FBXL18: variants seen among roughly 807,000 people sequenced by gnomAD.
FBXL18 encodes the protein F-box/LRR-repeat protein 18.
FBXL18 carries 36 observed loss-of-function variants against 46.0 expected under a neutral mutation model. The ratio of observed to expected loss-of-function variants is 0.78; its 90% CI spans 0.60 to 1.03. The LOEUF (loss-of-function observed/expected upper bound fraction) is 1.03, where lower values mean the gene tolerates loss of function less well. Ranked by LOEUF, FBXL18 falls within the 50% of genes least tolerant of loss-of-function variation. FBXL18 has a pLI of 0.00. For synonymous variants in FBXL18, 557 were observed against 465.3 expected (o/e 1.20, Z -2.54); for missense variants, 977 against 1,004.1 (o/e 0.97, Z 0.36).
At chr7:5,489,393 G>A (rs559076602) in intron 4 of FBXL18, 2 of 500,706 alleles carry the variant, frequency 4.0e-6, no homozygotes, top group Admixed American at 4.1e-5. Context: ...CCAGCACTTT[G>A]GGAGGCTGAG....
intron 3 of FBXL18, among the ~76,000 whole-genome samples, chr7:5,497,693 A>G (rs1784119352): frequency 6.6e-6 from 1 of 152,224 alleles, no homozygotes; most frequent in Non-Finnish European, 1.5e-5. Context: ...TCTACTCTGC[A>G]TGGCTCCAGG....
intron 4 of FBXL18, among the ~76,000 whole-genome samples, chr7:5,462,718 G>A (rs973836001): frequency 4.6e-5 from 7 of 151,680 alleles, no homozygotes; most frequent in Admixed American, 1.3e-4. Flanking sequence ...TTGGGAGGCC[G>A]AGGCGGATGG....
At chr7:5,508,463 G>C (rs1231782516) in intron 1 of FBXL18, among the ~76,000 whole-genome samples, 1 of 144,704 alleles carries the variant, frequency 6.9e-6, no homozygotes. Context: ...AAAAAAATTA[G>C]TGGGACACAG....
chr7:5,492,841 G>T (rs965542222), intron 3 of FBXL18, among the ~76,000 whole-genome samples: 1 of 152,104 alleles, frequency 6.6e-6, no homozygotes, highest in African/African-American at 2.4e-5. Flanking sequence ...ATCCTCAGAA[G>T]GAATGAACCA....
In FBXL18 at chr7:5,500,814, C is replaced by CA; in HGVS notation, c.1454dup (p.Glu486GlyfsTer216). 6.2e-7 allele frequency: 1 copy of CA among 1,612,434 alleles called. No homozygotes were observed. The highest frequency in any genetic ancestry group is 8.5e-7 in the Non-Finnish European group (1 of 1,179,658). ...TGGACCCAATCAGCTCGAGGTGTTC[C>CA]AGGAAGGGCAGGTTCTTCAGCAGAG... On this transcript the variant is annotated frameshift_variant, in exon 3 of 5. Coordinates refer to ENST00000382368, the MANE Select transcript of FBXL18 (RefSeq NM_024963.6). LOFTEE classifies it high-confidence loss of function.
intron 4 of FBXL18, among the ~76,000 whole-genome samples, chr7:5,486,174 C>T (rs1010620459): frequency 2.0e-5 from 3 of 148,740 alleles, no homozygotes; most frequent in African/African-American, 7.5e-5. Context: ...TTGCTTGAAC[C>T]TGGAAGGCAG....
Position 5,455,861 on chromosome 7 carries a change from G to A in FBXL18, c.2001-8018C>T, listed in dbSNP as rs974444765. Among the ~76,000 whole-genome samples the A allele has an allele frequency of 1.6e-4, 25 of 151,842 alleles. No homozygotes were observed. The highest frequency in any genetic ancestry group is 5.9e-5 in the Non-Finnish European group (4 of 67,992). On this transcript the variant is annotated intron_variant and NMD_transcript_variant, in intron 4 of 6. Transcript: ENST00000415009. The surrounding 1 kb of genome is among the most constrained non-coding windows in gnomAD (Gnocchi z 4.6). ...TCTTCTCCATATGACCCCAGCCAAT[G>A]AGCGGGCGAGACCTGGCCATCTCTG...
chr7:5,508,437 G>GA (rs1784446949), intron 1 of FBXL18, among the ~76,000 whole-genome samples: 1 of 117,114 alleles, frequency 8.5e-6, no homozygotes, highest in Non-Finnish European at 1.9e-5. Flanking sequence ...GCGAGACTTT[G>GA]TCTAAAAAAA....
At chr7:5,491,556 GC>G in intron 3 of FBXL18, 107 bp from the exon 4 acceptor site, 1 of 953,364 alleles carries the variant, frequency 1.0e-6, no homozygotes, top group Non-Finnish European at 1.5e-6. Flanking sequence ...CTGGGGCCCA[GC>G]CCAGCTGTTC....
intron 4 of FBXL18, among the ~76,000 whole-genome samples, chr7:5,462,950 C>CAAAAAAAAAAAAAAAAA (rs138208570): frequency 1.3e-4 from 3 of 22,378 alleles, no homozygotes; most frequent in Non-Finnish European, 2.8e-4. Flanking sequence ...GACTTGGTCT[C>CAAAAAAAAAAAAAAAAA]AAAAAAAAAA....
chr7:5,510,659 C>T (rs1033326096), intron 1 of FBXL18, among the ~76,000 whole-genome samples: 1 of 148,620 alleles, frequency 6.7e-6, no homozygotes, highest in Non-Finnish European at 1.5e-5. Flanking sequence ...GCACTCCAGC[C>T]TGGGCAACAG....
At chr7:5,471,632 G>C (rs771846383), downstream of FBXL18, among the ~76,000 whole-genome samples, 7 of 151,780 alleles carry the variant, frequency 4.6e-5, no homozygotes, top group South Asian at 2.1e-4. Context: ...GGATGGTCTC[G>C]ATCTCCTGAC....
rs998858786 is a variant in FBXL18, at chr7:5,477,753, A to T, written c.*4022T>A. The T allele has an allele frequency of 6.6e-6, 1 of 151,946 alleles. No homozygotes were observed. The highest frequency in any genetic ancestry group is 1.5e-5 in the Non-Finnish European group (1 of 68,040). The allele number at this position is 151,946 out of a possible 1,614,324, so 9.4% of individuals were successfully genotyped here. On this transcript the variant is annotated 3_prime_UTR_variant, in exon 5 of 5. Coordinates refer to ENST00000382368, the MANE Select transcript of FBXL18 (RefSeq NM_024963.6). This position sits in a 1 kb window ranked among gnomAD's most constrained non-coding sequence, Gnocchi z 4.4. ...AATTTTCAGATCCTAAAAGGAGCAGATAACAGGGGAAGAGGAGGTGGGAGG... is the reference window on the plus strand; with the variant it reads ...AATTTTCAGATCCTAAAAGGAGCAGTTAACAGGGGAAGAGGAGGTGGGAGG...
At position 5,501,447 on chromosome 7, in the gene FBXL18, C is replaced by G; in HGVS notation, c.822G>C (p.Ala274=). The G allele has an allele frequency of 6.2e-7, 1 of 1,611,918 alleles. No homozygotes were observed. Among genetic ancestry groups the G allele is most frequent in the South Asian group, 1.1e-5 (1 of 90,924 alleles). ...AFLISVPGSF[A]ESGATKNLLD... ...GGAGGTTCTTGGTGGCGCCGCTCTC[C>G]GCGAAGCTGCCAGGGACGGAGATGA... Residue 274 remains alanine (A), a synonymous_variant, in exon 3 of 5, where the codon GCG becomes GCC. Transcript: ENST00000382368.
chr7:5,460,538 C>T (rs929456269), intron 4 of FBXL18, among the ~76,000 whole-genome samples: 1 of 152,256 alleles, frequency 6.6e-6, no homozygotes, highest in Non-Finnish European at 1.5e-5. Context: ...ACCGCAACCT[C>T]TGCCTTCTGG....
chr7:5,464,851 GT>G (rs1488762463), intron 4 of FBXL18, among the ~76,000 whole-genome samples: 2 of 151,486 alleles, frequency 1.3e-5, no homozygotes, highest in Admixed American at 1.3e-4. Context: ...ATCACCAGAG[GT>G]TAGGAGTTTG....
downstream of FBXL18, among the ~76,000 whole-genome samples, chr7:5,474,146 G>A (rs764752349): frequency 1.9e-4 from 29 of 152,128 alleles, no homozygotes; most frequent in Non-Finnish European, 3.5e-4. Context: ...CATAGGGACA[G>A]GAAGTAGAAT....
At chr7:5,474,679 CTTTATTT>C (rs368455393), downstream of FBXL18, among the ~76,000 whole-genome samples, 39,488 of 129,480 alleles carry the variant, frequency 0.3, 6,317 homozygotes, top group African/African-American at 0.44. Flanking sequence ...AAATTATGCA[CTTTATTT>C]TTTATTTATT....
At chr7:5,505,333 T>C (rs1784366810) in intron 2 of FBXL18, 79 bp downstream of exon 2, 1 of 1,318,732 alleles carries the variant, frequency 7.6e-7, no homozygotes, top group Non-Finnish European at 1.1e-6. Flanking sequence ...GCACACAGGG[T>C]TCCACTGCAG....
Sources: gnomAD v4.1 joint callset for allele counts (sites outside exome capture counted in the v4.1 genomes callset) on GRCh38, gnomAD v4.1.1 for gene constraint, Gnocchi (gnomAD v3.1) non-coding constraint, MANE v1.5 for transcripts, NCBI Gene and HGNC (gene_info 2026-07-23, HGNC 2026-07-21) for gene names.